The following MTSS1 variants were observed in gnomAD, a reference collection of about 807,000 sequenced individuals.
MTSS1 encodes the protein protein MTSS 1.
A neutral mutation model predicts 79.0 loss-of-function variants in MTSS1; 18 were observed. That is an observed-to-expected ratio of 0.23 (90% CI 0.16 to 0.34). MTSS1 has a LOEUF of 0.34. Among genes scored for constraint, MTSS1 ranks in the 10% least tolerant of loss-of-function variants. The probability of loss-of-function intolerance (pLI) is 1.00; values close to 1 mark genes in which losing one functional copy is unlikely to be tolerated. For synonymous variants in MTSS1, 341 were observed against 368.6 expected, an observed-to-expected ratio of 0.93 and a Z score of 0.86; for missense variants, 815 against 986.2, an observed-to-expected ratio of 0.83 and a Z score of 2.33.
intron 6 of MTSS1, chr8:124,577,610 A>T (rs1829217100): frequency 3.9e-6 from 2 of 518,960 alleles, no homozygotes; most frequent in Non-Finnish European, 3.8e-6. Context: ...TGGTCACAAT[A>T]GGTCTAAGGG....
intron 3 of MTSS1, among the ~76,000 whole-genome samples, chr8:124,624,719 T>C (rs2133648235): frequency 6.6e-6 from 1 of 152,274 alleles, no homozygotes; most frequent in East Asian, 1.9e-4. Flanking sequence ...CTGAAATAAA[T>C]GTCTGTTCAG....
At position 124,726,978 on chromosome 8, in the gene MTSS1, G is replaced by T. The variant is rs764237798; in HGVS notation, c.72+906C>A. 2.0e-5 allele frequency among the ~76,000 whole-genome samples: 3 copies of T among 152,128 alleles called. No homozygotes were observed. The East Asian group carries it at 5.8e-4, about 29-fold the overall frequency. On this transcript the variant is annotated intron_variant, in intron 1 of 13. Coordinates refer to ENST00000518547, the MANE Select transcript of MTSS1 (RefSeq NM_014751.6). ...TTTATTTCCTCTGGATGAATAACAC[G>T]GGGCCCTGGTCTATCTCTAGGCACC...
At chr8:124,712,853 C>T (rs1036998286) in intron 1 of MTSS1, among the ~76,000 whole-genome samples, 1 of 152,174 alleles carries the variant, frequency 6.6e-6, no homozygotes, top group African/African-American at 2.4e-5. Flanking sequence ...TTACAAACTG[C>T]TCCATTTGTA....
intron 3 of MTSS1, among the ~76,000 whole-genome samples, chr8:124,665,953 G>C (rs1361369542): frequency 6.6e-6 from 1 of 151,830 alleles, no homozygotes; most frequent in Non-Finnish European, 1.5e-5. Context: ...TCACGATTTT[G>C]GGCAAGTTAC....
intron 3 of MTSS1, among the ~76,000 whole-genome samples, chr8:124,656,699 A>G (rs1192038445): frequency 6.7e-6 from 1 of 149,194 alleles, no homozygotes; most frequent in Non-Finnish European, 1.5e-5. Flanking sequence ...AATTGCTTGA[A>G]CCCAGGTGGT....
chr8:124,650,723 G>T (rs1437238118), intron 3 of MTSS1, among the ~76,000 whole-genome samples: 1 of 152,198 alleles, frequency 6.6e-6, no homozygotes. Flanking sequence ...TACGGTTGGG[G>T]AAACTGAAGC....
chr8:124,594,838 C>T (rs1023173458), intron 3 of MTSS1, among the ~76,000 whole-genome samples: 6 of 152,216 alleles, frequency 3.9e-5, no homozygotes, highest in African/African-American at 1.2e-4. Flanking sequence ...ACATCTTATG[C>T]TCTTCCTAAC....
chr8:124,665,882 A>AAG, intron 3 of MTSS1, among the ~76,000 whole-genome samples: 1 of 152,114 alleles, frequency 6.6e-6, no homozygotes, highest in South Asian at 2.1e-4. Context: ...AAAAAAAAAA[A>AAG]AAAATCTGGC....
At chr8:124,575,211 G>A (rs948617342) in intron 6 of MTSS1, among the ~76,000 whole-genome samples, 7 of 152,298 alleles carry the variant, frequency 4.6e-5, no homozygotes, top group African/African-American at 1.4e-4. Context: ...ATAACCCACA[G>A]TGGGTTTTGA....
chr8:124,657,428 G>T (rs28733819), intron 3 of MTSS1, among the ~76,000 whole-genome samples: 20,481 of 147,604 alleles, frequency 0.14, 2,126 homozygotes, highest in African/African-American at 0.3. Flanking sequence ...GGAATGGAAA[G>T]TTTTTTCCTT....
chr8:124,727,586 T>TG lies in MTSS1; in HGVS notation c.72+297dup. 1 of 564,412 alleles carries TG rather than the reference T, an allele frequency of 1.8e-6. No homozygotes were observed. The allele number at this position is 564,412 out of a possible 1,614,324, so 35.0% of individuals were successfully genotyped here. ...TTCAGGGACAGACAATGGGAAAACT[T>TG]GCAGCCAGTGCCTTGAGCCCCCGAG... On this transcript the variant is annotated intron_variant, in intron 1 of 13. Transcript: ENST00000518547. This position sits in a 1 kb window ranked among gnomAD's most constrained non-coding sequence, Gnocchi z 4.7.
At chr8:124,668,369 G>A (rs1469226836) in intron 3 of MTSS1, among the ~76,000 whole-genome samples, 2 of 152,186 alleles carry the variant, frequency 1.3e-5, no homozygotes, top group South Asian at 2.1e-4. Context: ...TCATCCAACA[G>A]ACAGACAAAG....
chr8:124,605,779 T>C (rs1457634768), intron 3 of MTSS1, among the ~76,000 whole-genome samples: 1 of 152,184 alleles, frequency 6.6e-6, no homozygotes, highest in Admixed American at 6.6e-5. Flanking sequence ...ATCCCCAAAC[T>C]ATGCCAGAAT....
chr8:124,609,969 A>G (rs1326801220), intron 3 of MTSS1, among the ~76,000 whole-genome samples: 1 of 152,192 alleles, frequency 6.6e-6, no homozygotes, highest in Non-Finnish European at 1.5e-5. Context: ...GGTGATGTGC[A>G]AACAACAGGG....
At chr8:124,698,971 A>G (rs1156945999) in intron 3 of MTSS1, 3 of 152,412 alleles carry the variant, frequency 2.0e-5, no homozygotes, top group Non-Finnish European at 4.4e-5. Flanking sequence ...TACTTTAAAC[A>G]TCTCCTATGT....
In MTSS1 at chr8:124,650,020, G is replaced by A. The variant is rs181345451; in HGVS notation, c.208+49506C>T. Among the ~76,000 whole-genome samples the A allele has an allele frequency of 4.6e-3, 692 of 150,658 alleles. 4 individuals carry two copies. The highest frequency in any genetic ancestry group is 7.3e-3 in the South Asian group (35 of 4,764). On this transcript the variant is annotated intron_variant, in intron 3 of 13. Coordinates refer to ENST00000518547, the MANE Select transcript of MTSS1 (RefSeq NM_014751.6). ...AAACTACACACAGGCCAACAGAAGC[G>A]CTGAAGAGCCTTTTTTTTTTTTTCC... is the stretch of plus-strand genomic sequence containing the variant.
rs537134553 is a variant in MTSS1, at chr8:124,717,365, G to A, written c.72+10519C>T. ...AAAAAAAAAAGCCGGGTGTGGTGGT[G>A]CATGTCTATAGTCCTAGCTACTTGG... On this transcript the variant is annotated intron_variant, in intron 1 of 13. Transcript: ENST00000518547. Among the ~76,000 whole-genome samples, 8 of 152,138 alleles carry A rather than the reference G, an allele frequency of 5.3e-5. No homozygotes were observed. In the East Asian group the frequency reaches 5.8e-4, roughly 11 times the overall value.
intron 3 of MTSS1, among the ~76,000 whole-genome samples, chr8:124,596,536 C>G (rs1832791852): frequency 6.6e-6 from 1 of 152,230 alleles, no homozygotes; most frequent in African/African-American, 2.4e-5. Flanking sequence ...AGCATGACTG[C>G]TGAGGCCCAG....
chr8:124,641,648 A>G (rs1818077288), intron 3 of MTSS1, among the ~76,000 whole-genome samples: 1 of 152,202 alleles, frequency 6.6e-6, no homozygotes, highest in South Asian at 2.1e-4. Context: ...AGAAAGACGG[A>G]CAGATGGTCT....
Sources: allele counts gnomAD v4.1 joint callset (sites outside exome capture counted in the v4.1 genomes callset), GRCh38; gene constraint gnomAD v4.1.1; non-coding constraint Gnocchi (gnomAD v3.1); transcripts MANE v1.5; gene names NCBI Gene and HGNC (gene_info 2026-07-23, HGNC 2026-07-21).